NXPE4: variants seen among roughly 807,000 people sequenced by gnomAD.
The protein encoded by NXPE4 is NXPE family member 4.
Under a neutral mutation model 33.3 loss-of-function variants are expected in NXPE4, and 42 were observed. The ratio of observed to expected loss-of-function variants is 1.26; its 90% CI spans 0.98 to 1.63. The LOEUF is 1.63. Ranked by LOEUF, NXPE4 falls within the 40% of genes most tolerant of loss-of-function variation. The pLI, the probability that NXPE4 is intolerant of heterozygous loss-of-function variation, is 0.00. For synonymous variants in NXPE4, 253 were observed against 234.9 expected, an observed-to-expected ratio of 1.08 and a Z score of -0.71; for missense variants, 709 against 647.6, an observed-to-expected ratio of 1.09 and a Z score of -1.03.
the NXPE4 span, among the ~76,000 whole-genome samples, chr11:114,622,671 TAATA>T: frequency 1.3e-5 from 2 of 152,138 alleles, no homozygotes; most frequent in East Asian, 3.9e-4. Flanking sequence ...ACCCGGTGGA[TAATA>T]AATGTTGCCT....
chr11:114,581,644 G>A, intron 4 of NXPE4, 81 bp downstream of exon 4: 1 of 1,180,832 alleles, frequency 8.5e-7, no homozygotes, highest in Non-Finnish European at 1.2e-6. Flanking sequence ...GACTGAAACA[G>A]TGAACAAATC....
At chr11:114,660,355 T>A in the NXPE4 span, among the ~76,000 whole-genome samples, 1 of 151,896 alleles carries the variant, frequency 6.6e-6, no homozygotes, top group African/African-American at 2.4e-5. Context: ...GAGGCAAACA[T>A]CCTCAACAAA....
chr11:114,601,689 TA>T, the NXPE4 span, among the ~76,000 whole-genome samples: 8 of 31,478 alleles, frequency 2.5e-4, 1 homozygote, highest in African/African-American at 1.4e-3. Flanking sequence ...ATAGATTATA[TA>T]TATTTATAAT....
At chr11:114,634,732 A>G in the NXPE4 span, among the ~76,000 whole-genome samples, 4 of 151,988 alleles carry the variant, frequency 2.6e-5, no homozygotes, top group Non-Finnish European at 5.9e-5. Context: ...TACTTTCCCC[A>G]TTGCTTGTTT....
chr11:114,574,164 C>A (rs1948949161), intron 5 of NXPE4, among the ~76,000 whole-genome samples: 1 of 151,812 alleles, frequency 6.6e-6, no homozygotes, highest in Non-Finnish European at 1.5e-5. Flanking sequence ...TTGAACTGAA[C>A]CATAATAGTG....
At chr11:114,596,178 T>G (rs1949570129), upstream of NXPE4, among the ~76,000 whole-genome samples, 2 of 152,172 alleles carry the variant, frequency 1.3e-5, no homozygotes, top group African/African-American at 4.8e-5. Context: ...TCAATACAAT[T>G]TGCTGAATTG....
the NXPE4 span, among the ~76,000 whole-genome samples, chr11:114,664,350 T>C: frequency 2.6e-4 from 40 of 152,320 alleles, no homozygotes; most frequent in East Asian, 7.3e-3. Context: ...GGACAAGGGC[T>C]GAACACAAAG....
the NXPE4 span, among the ~76,000 whole-genome samples, chr11:114,659,802 A>C: frequency 6.6e-6 from 1 of 152,116 alleles, no homozygotes; most frequent in Non-Finnish European, 1.5e-5. Context: ...AAGTAAGCAG[A>C]GGAAAACAAT....
chr11:114,620,744 TATA>T, the NXPE4 span, among the ~76,000 whole-genome samples: 1 of 151,430 alleles, frequency 6.6e-6, no homozygotes, highest in South Asian at 2.1e-4. Flanking sequence ...TTACCCGATG[TATA>T]ATAAGTATTG....
At chr11:114,630,185 A>G in the NXPE4 span, among the ~76,000 whole-genome samples, 1 of 151,816 alleles carries the variant, frequency 6.6e-6, no homozygotes, top group Non-Finnish European at 1.5e-5. Flanking sequence ...TAAAGTTCAT[A>G]TGGAACCAAA....
At chr11:114,676,541 A>G in the NXPE4 span, among the ~76,000 whole-genome samples, 1 of 152,054 alleles carries the variant, frequency 6.6e-6, no homozygotes, top group Admixed American at 6.6e-5. Context: ...GGAAAATGCA[A>G]ATTAAAACTA....
the NXPE4 span, among the ~76,000 whole-genome samples, chr11:114,652,226 G>A: frequency 6.6e-6 from 1 of 152,198 alleles, no homozygotes; most frequent in African/African-American, 2.4e-5. Flanking sequence ...TGAGTTAGCA[G>A]GTGAATTTGG....
chr11:114,598,476 A>G (rs551349825), upstream of NXPE4, among the ~76,000 whole-genome samples: 2 of 152,182 alleles, frequency 1.3e-5, no homozygotes, highest in Non-Finnish European at 2.9e-5. Context: ...GGTTATCTAG[A>G]GGGTTCCACT....
the NXPE4 span, among the ~76,000 whole-genome samples, chr11:114,668,955 A>AT: frequency 6.6e-6 from 1 of 152,120 alleles, no homozygotes; most frequent in African/African-American, 2.4e-5. Context: ...AATCTCTGTG[A>AT]TTTTAACTTG....
intron 5 of NXPE4, among the ~76,000 whole-genome samples, chr11:114,576,714 A>C (rs890516353): frequency 1.3e-5 from 2 of 151,992 alleles, no homozygotes; most frequent in Admixed American, 6.6e-5. Context: ...TGCAGTAAAA[A>C]GGGAACACTT....
At chr11:114,660,171 A>G in the NXPE4 span, among the ~76,000 whole-genome samples, 2 of 152,096 alleles carry the variant, frequency 1.3e-5, no homozygotes, top group Admixed American at 1.3e-4. Context: ...AGGATTTTTC[A>G]TAATTCCTAA....
chr11:114,577,028 C>T (rs11215069), intron 5 of NXPE4, among the ~76,000 whole-genome samples: 14 of 95,010 alleles, frequency 1.5e-4, no homozygotes, highest in Admixed American at 4.6e-4. Context: ...TATATATATA[C>T]ATATATATAT....
chr11:114,640,224 T>C, the NXPE4 span, among the ~76,000 whole-genome samples: 1 of 141,020 alleles, frequency 7.1e-6, no homozygotes. Flanking sequence ...ATGTAATTTA[T>C]ATATATAAAT....
At chr11:114,577,101 T>G (rs1011385832) in intron 5 of NXPE4, among the ~76,000 whole-genome samples, 8 of 135,048 alleles carry the variant, frequency 5.9e-5, no homozygotes, top group Non-Finnish European at 1.1e-4. Context: ...ATATATAAAG[T>G]TATATATATA....
Sources: allele counts gnomAD v4.1 joint callset (sites outside exome capture counted in the v4.1 genomes callset), GRCh38; gene constraint gnomAD v4.1.1; transcripts MANE v1.5; gene names NCBI Gene and HGNC (gene_info 2026-07-23, HGNC 2026-07-21).